The following MRTFA variants were observed in gnomAD, a reference collection of about 807,000 sequenced individuals.
The protein encoded by MRTFA is myocardin related transcription factor A.
MRTFA carries 20 observed loss-of-function variants against 83.5 expected under a neutral mutation model. That is an observed-to-expected ratio of 0.24 (90% confidence interval 0.17 to 0.35). MRTFA has a LOEUF of 0.35. MRTFA is among the 10% of genes least tolerant of loss of function. The probability of loss-of-function intolerance (pLI) is 1.00; values close to 1 mark genes in which losing one functional copy is unlikely to be tolerated. For missense variants in MRTFA, 1,200 were observed against 1,224.7 expected (o/e 0.98, Z 0.30); for synonymous variants, 659 against 541.2 (o/e 1.22, Z -3.02).
chr22:40,478,814 C>T (rs1050522383), intron 3 of MRTFA, among the ~76,000 whole-genome samples: 1 of 152,080 alleles, frequency 6.6e-6, no homozygotes, highest in African/African-American at 2.4e-5. Flanking sequence ...TGCTGTACAC[C>T]GAACCACACA....
chr22:40,581,902 GATAATAGCTTT>G (rs2055952648), intron 2 of MRTFA, among the ~76,000 whole-genome samples: 1 of 152,124 alleles, frequency 6.6e-6, no homozygotes, highest in Admixed American at 6.6e-5. Flanking sequence ...TTACTTGTTA[GATAATAGCTTT>G]ACTGGTATAT....
At chr22:40,584,593 G>A (rs145838902) in intron 2 of MRTFA, among the ~76,000 whole-genome samples, 8 of 152,072 alleles carry the variant, frequency 5.3e-5, no homozygotes, top group Middle Eastern at 3.4e-3. Flanking sequence ...AAAATTAGCC[G>A]GGTGTGGTGG....
In MRTFA at chr22:40,564,689, G is replaced by A. The variant is rs577412570; in HGVS notation, c.-21-12322C>T. On this transcript the variant is annotated intron_variant, in intron 2 of 14. Coordinates refer to ENST00000355630, the MANE Select transcript of MRTFA (RefSeq NM_020831.6). ...TATTTTGGAGACGGAGCCTTGCACC[G>A]TCGCCCAGGCTGGAGTGCAGTGGCG... Among the ~76,000 whole-genome samples, 10 of 152,122 alleles carry A rather than the reference G, an allele frequency of 6.6e-5. No individual in the cohort carries two copies. The South Asian group carries it at 1.2e-3, about 19-fold the overall frequency.
chr22:40,530,134 GATAC>G (rs2055052272), intron 3 of MRTFA, among the ~76,000 whole-genome samples: 1 of 152,078 alleles, frequency 6.6e-6, no homozygotes, highest in South Asian at 2.1e-4. Flanking sequence ...GCACTAGATG[GATAC>G]ACCTTAGGGC....
chr22:40,451,165 G>A (rs966300226), intron 4 of MRTFA, among the ~76,000 whole-genome samples: 5 of 152,082 alleles, frequency 3.3e-5, no homozygotes, highest in Admixed American at 2.6e-4. Context: ...TAATTGGACC[G>A]GGCTTGACTT....
intron 4 of MRTFA, among the ~76,000 whole-genome samples, chr22:40,453,282 G>C (rs111829934): frequency 2.7e-4 from 41 of 152,262 alleles, no homozygotes; most frequent in African/African-American, 9.4e-4. Context: ...ATCTCACTAG[G>C]TAGGGTTCTC....
chr22:40,418,353 G>C (rs779943209), intron 12 of MRTFA, 21 bp downstream of exon 12: 28 of 1,609,888 alleles, frequency 1.7e-5, no homozygotes, highest in Non-Finnish European at 2.2e-5. Flanking sequence ...GCCCTGCCCG[G>C]TTCCTCCCAT....
At chr22:40,608,981 C>T (rs2056351970) in intron 1 of MRTFA, among the ~76,000 whole-genome samples, 1 of 152,056 alleles carries the variant, frequency 6.6e-6, no homozygotes, top group Admixed American at 6.6e-5. Flanking sequence ...GAACCCTTTA[C>T]GTTGTTGGTA....
chr22:40,536,390 C>A (rs1391374818), intron 3 of MRTFA, among the ~76,000 whole-genome samples: 1 of 151,386 alleles, frequency 6.6e-6, no homozygotes, highest in Non-Finnish European at 1.5e-5. Context: ...TCAGTCTTTG[C>A]CGCGGCGCCG....
intron 2 of MRTFA, among the ~76,000 whole-genome samples, chr22:40,582,344 G>T (rs1256995206): frequency 6.6e-6 from 1 of 152,136 alleles, no homozygotes; most frequent in African/African-American, 2.4e-5. Context: ...ACTATTCCAT[G>T]TTTTCCCTAT....
At chr22:40,447,376 A>C (rs564791664) in intron 4 of MRTFA, among the ~76,000 whole-genome samples, 14 of 152,044 alleles carry the variant, frequency 9.2e-5, no homozygotes, top group African/African-American at 3.4e-4. Context: ...AAGAAAAAAA[A>C]AGTGACATTG....
At chr22:40,535,573 G>C (rs995831948) in intron 3 of MRTFA, among the ~76,000 whole-genome samples, 1 of 151,834 alleles carries the variant, frequency 6.6e-6, no homozygotes, top group Non-Finnish European at 1.5e-5. Flanking sequence ...GGCTGGTCTC[G>C]AACTCCTAAG....
chr22:40,468,719 C>CA (rs2053851702), intron 3 of MRTFA, among the ~76,000 whole-genome samples: 2 of 152,196 alleles, frequency 1.3e-5, no homozygotes, highest in African/African-American at 2.4e-5. Flanking sequence ...AACAGTGCTG[C>CA]ATTTGAAAAT....
intron 1 of MRTFA, among the ~76,000 whole-genome samples, chr22:40,598,768 G>T (rs1452706124): frequency 6.6e-6 from 1 of 150,860 alleles, no homozygotes; most frequent in Non-Finnish European, 1.5e-5. Context: ...TGAGGAGGGC[G>T]AATTACCTGA....
At chr22:40,625,466 TAAA>T (rs2056571487) in intron 1 of MRTFA, among the ~76,000 whole-genome samples, 1 of 148,582 alleles carries the variant, frequency 6.7e-6, no homozygotes, top group African/African-American at 2.5e-5. Context: ...AATAAATAAA[TAAA>T]TAAATAAATA....
intron 3 of MRTFA, among the ~76,000 whole-genome samples, chr22:40,546,900 A>C (rs1426358034): frequency 1.3e-5 from 2 of 152,214 alleles, no homozygotes; most frequent in Non-Finnish European, 2.9e-5. Context: ...TCACGCCTGT[A>C]ATCCCAGCAC....
At position 40,411,244 on chromosome 22, in the gene MRTFA, G is replaced by A; in HGVS notation, c.*146C>T. On this transcript the variant is annotated 3_prime_UTR_variant, in exon 15 of 15. Transcript: ENST00000355630. The stretch of plus-strand genomic sequence containing the variant: ...CTGAACCAGGAGTAAGGGCTTCTCT[G>A]TTCTAGCCTCCCAGGGAAGGGAAAA... The A allele has an allele frequency of 1.1e-6, 1 of 899,186 alleles. No homozygotes were observed. The highest frequency in any genetic ancestry group is 1.9e-5 in the South Asian group (1 of 51,768). 55.7% of individuals were successfully genotyped at this position (899,186 alleles called of 1,614,324 possible). A position where few individuals can be genotyped will look rare whatever the true frequency, so the allele number is the denominator to read the frequency against.
At chr22:40,559,666 C>G (rs2055585006) in intron 2 of MRTFA, among the ~76,000 whole-genome samples, 1 of 152,128 alleles carries the variant, frequency 6.6e-6, no homozygotes, top group Admixed American at 6.5e-5. Context: ...ACTGGCCTCT[C>G]AAAATGCTGG....
At chr22:40,595,462 G>A (rs1020571714) in intron 1 of MRTFA, among the ~76,000 whole-genome samples, 19 of 152,010 alleles carry the variant, frequency 1.2e-4, no homozygotes, top group Non-Finnish European at 2.1e-4. Flanking sequence ...CTCTACCACC[G>A]TAGGTGGGTT....
Sources: gnomAD v4.1 joint callset for allele counts (sites outside exome capture counted in the v4.1 genomes callset) on GRCh38, gnomAD v4.1.1 for gene constraint, MANE v1.5 for transcripts, NCBI Gene and HGNC (gene_info 2026-07-23, HGNC 2026-07-21) for gene names.